The following SGMS1 variants were observed in gnomAD, a reference collection of about 807,000 sequenced individuals.
SGMS1 encodes sphingomyelin synthase 1.
Under a neutral mutation model 46.2 loss-of-function variants are expected in SGMS1, and 13 were observed. The ratio of observed to expected loss-of-function variants is 0.28; its 90% CI spans 0.18 to 0.45. The LOEUF is 0.45. Among genes scored for constraint, SGMS1 ranks in the 20% least tolerant of loss-of-function variants. The pLI is 1.00. For missense variants in SGMS1, 324 were observed against 519.9 expected (o/e 0.62, Z 3.66); for synonymous variants, 203 against 187.8 (o/e 1.08, Z -0.66).
At chr10:50,573,126 A>T (rs1325863548) in intron 2 of SGMS1, among the ~76,000 whole-genome samples, 5 of 152,322 alleles carry the variant, frequency 3.3e-5, no homozygotes, top group Middle Eastern at 3.4e-3. Context: ...CATAGCTAAC[A>T]TCATACTCAA....
chr10:50,402,130 A>AT (rs142213710), intron 6 of SGMS1, among the ~76,000 whole-genome samples: 27,169 of 152,190 alleles, frequency 0.18, 2,792 homozygotes, highest in Admixed American at 0.23. Context: ...CAAAAGCCTA[A>AT]TTAATGGCAT....
chr10:50,381,645 A>G (rs1326048571), intron 6 of SGMS1, among the ~76,000 whole-genome samples: 1 of 152,196 alleles, frequency 6.6e-6, no homozygotes, highest in Non-Finnish European at 1.5e-5. Context: ...TAAAATGGTA[A>G]GTTTTTGTGT....
At chr10:50,529,946 CTCCAATATTCT>C (rs1291318464) in intron 2 of SGMS1, among the ~76,000 whole-genome samples, 2 of 152,142 alleles carry the variant, frequency 1.3e-5, no homozygotes, top group Non-Finnish European at 2.9e-5. Flanking sequence ...GTTTTCTTTC[CTCCAATATTCT>C]TTGCAATTTC....
chr10:50,353,741 T>C (rs1333404247), intron 6 of SGMS1, among the ~76,000 whole-genome samples: 1 of 152,280 alleles, frequency 6.6e-6, no homozygotes, highest in Non-Finnish European at 1.5e-5. Context: ...TTCAGCAAAG[T>C]CTCAGGATAC....
chr10:50,421,726 T>C (rs895528534), intron 6 of SGMS1, among the ~76,000 whole-genome samples: 3 of 152,146 alleles, frequency 2.0e-5, no homozygotes, highest in African/African-American at 7.2e-5. Context: ...CCCTGGCCTA[T>C]GTAGTGGAGA....
intron 6 of SGMS1, among the ~76,000 whole-genome samples, chr10:50,383,199 G>C (rs1406760372): frequency 6.6e-6 from 1 of 152,096 alleles, no homozygotes; most frequent in Non-Finnish European, 1.5e-5. Flanking sequence ...TTTTAAATTA[G>C]ATCTTTGTAC....
chr10:50,385,403 T>C (rs1281914064), intron 6 of SGMS1, among the ~76,000 whole-genome samples: 3 of 152,306 alleles, frequency 2.0e-5, no homozygotes, highest in East Asian at 1.9e-4. Flanking sequence ...GTTTCTGCCA[T>C]GTGATCATGG....
At chr10:50,336,384 A>G (rs772900133) in intron 7 of SGMS1, among the ~76,000 whole-genome samples, 2 of 152,194 alleles carry the variant, frequency 1.3e-5, no homozygotes, top group African/African-American at 2.4e-5. Context: ...ACGTGACTGA[A>G]GTTGGTAGCA....
intron 7 of SGMS1, among the ~76,000 whole-genome samples, chr10:50,330,106 G>C (rs1333887090): frequency 3.3e-5 from 5 of 152,012 alleles, no homozygotes; most frequent in Admixed American, 2.6e-4. Context: ...CTCAGAACTT[G>C]ACTAAATACT....
chr10:50,503,409 C>T (rs1837678639), intron 3 of SGMS1, among the ~76,000 whole-genome samples: 1 of 152,180 alleles, frequency 6.6e-6, no homozygotes, highest in Non-Finnish European at 1.5e-5. Flanking sequence ...ATCCAGATAG[C>T]CGGTTCCTGC....
chr10:50,317,326 A>C (rs1847356269), intron 8 of SGMS1, among the ~76,000 whole-genome samples: 1 of 152,236 alleles, frequency 6.6e-6, no homozygotes, highest in Non-Finnish European at 1.5e-5. Context: ...ATAAAACAAT[A>C]TCTTTTGTTT....
At chr10:50,338,213 C>T (rs1485444197) in intron 7 of SGMS1, among the ~76,000 whole-genome samples, 2 of 152,158 alleles carry the variant, frequency 1.3e-5, no homozygotes, top group Admixed American at 1.3e-4. Context: ...ACTGCTTATG[C>T]CAGAATGTTT....
At chr10:50,546,510 G>A (rs1838102116) in intron 2 of SGMS1, among the ~76,000 whole-genome samples, 1 of 152,124 alleles carries the variant, frequency 6.6e-6, no homozygotes, top group Non-Finnish European at 1.5e-5. Context: ...AAGAAAATGT[G>A]GCACATATAC....
At chr10:50,427,385 C>A (rs755381398) in intron 6 of SGMS1, among the ~76,000 whole-genome samples, 6 of 152,062 alleles carry the variant, frequency 3.9e-5, no homozygotes, top group Non-Finnish European at 8.8e-5. Flanking sequence ...TGTAACAGAG[C>A]GAGACTCCGT....
intron 3 of SGMS1, among the ~76,000 whole-genome samples, chr10:50,491,611 A>G (rs1837568155): frequency 6.6e-6 from 1 of 152,190 alleles, no homozygotes; most frequent in African/African-American, 2.4e-5. Flanking sequence ...CCCAAGATTG[A>G]GTTGGGAAGA....
intron 6 of SGMS1, among the ~76,000 whole-genome samples, chr10:50,355,505 C>G (rs1373639948): frequency 6.6e-6 from 1 of 152,240 alleles, no homozygotes; most frequent in Non-Finnish European, 1.5e-5. Flanking sequence ...CAGCTCCTGA[C>G]TGCGAGTGAT....
intron 2 of SGMS1, among the ~76,000 whole-genome samples, chr10:50,586,706 A>G (rs1838487839): frequency 6.6e-6 from 1 of 152,240 alleles, no homozygotes; most frequent in Admixed American, 6.5e-5. Context: ...CACAGGACTG[A>G]TGAAACCACA....
intron 2 of SGMS1, among the ~76,000 whole-genome samples, chr10:50,534,996 G>A (rs1837987105): frequency 6.6e-6 from 1 of 152,196 alleles, no homozygotes; most frequent in Non-Finnish European, 1.5e-5. Flanking sequence ...CACTCTGGGA[G>A]GCCGAGGCGG....
chr10:50,387,848 A>G (rs1286058239), intron 6 of SGMS1, among the ~76,000 whole-genome samples: 1 of 152,210 alleles, frequency 6.6e-6, no homozygotes, highest in African/African-American at 2.4e-5. Context: ...ATGTACAGAA[A>G]GTGGAAGTGA....
Sources: gnomAD v4.1 joint callset for allele counts (sites outside exome capture counted in the v4.1 genomes callset) on GRCh38, gnomAD v4.1.1 for gene constraint, MANE v1.5 for transcripts, NCBI Gene and HGNC (gene_info 2026-07-23, HGNC 2026-07-21) for gene names.